The following C4orf50 variants were observed in gnomAD, a reference collection of about 807,000 sequenced individuals.
C4orf50 encodes chromosome 4 open reading frame 50.
Under a neutral mutation model 77.2 loss-of-function variants are expected in C4orf50, and 80 were observed. The observed-to-expected ratio is 1.04, with a 90% confidence interval of 0.87 to 1.25. The LOEUF is 1.25. Ranked by LOEUF, C4orf50 falls within the 50% of genes most tolerant of loss-of-function variation. C4orf50 has a pLI of 0.00. For missense variants in C4orf50, 1,257 were observed against 1,152.9 expected, an observed-to-expected ratio of 1.09 and a Z score of -1.31; for synonymous variants, 532 against 465.3, an observed-to-expected ratio of 1.14 and a Z score of -1.84.
Position 6,009,231 on chromosome 4 carries a change from G to C in C4orf50, c.427-699C>G, listed in dbSNP as rs570347295. Among the ~76,000 whole-genome samples the C allele has an allele frequency of 1.3e-5, 2 of 151,976 alleles. No individual in the cohort carries two copies. The highest frequency in any genetic ancestry group is 1.3e-4 in the Admixed American group (2 of 15,258). ...AACACATCTGCCTCCTCCCACCCACGGGCCGTGAGCTGGACTGGGGTGCAC... is the reference window on the plus strand; with the variant it reads ...AACACATCTGCCTCCTCCCACCCACCGGCCGTGAGCTGGACTGGGGTGCAC... On this transcript the variant is annotated intron_variant, in intron 24 of 33. Transcript: ENST00000531445. The surrounding 1 kb of genome is among the most constrained non-coding windows in gnomAD (Gnocchi z 5.6).
intron 7 of C4orf50, among the ~76,000 whole-genome samples, chr4:5,910,350 G>A (rs1577875466): frequency 6.6e-6 from 1 of 152,192 alleles, no homozygotes; most frequent in East Asian, 1.9e-4. Context: ...TTTCTCATAG[G>A]GAATTAAATC....
Position 5,905,834 on chromosome 4 carries a change from T to C in C4orf50, c.*2475-7646A>G, listed in dbSNP as rs897776581. On this transcript the variant is annotated intron_variant, in intron 7 of 7. Coordinates refer to the C4orf50 transcript ENST00000324058. This position sits in a 1 kb window ranked among gnomAD's most constrained non-coding sequence, Gnocchi z 5.4. ...GAAGAAGAAAGACAAACTGGGGTGC[T>C]CTGGGATGTCGTCATTTGTTCGTCC... 3.3e-5 allele frequency among the ~76,000 whole-genome samples: 5 copies of C among 151,824 alleles called. No homozygotes were observed. Among genetic ancestry groups the C allele is most frequent in the Non-Finnish European group, 7.4e-5 (5 of 68,012 alleles).
chr4:5,987,922 T>A (rs1423036249), intron 28 of C4orf50, among the ~76,000 whole-genome samples: 3 of 152,204 alleles, frequency 2.0e-5, no homozygotes, highest in Non-Finnish European at 4.4e-5. Flanking sequence ...GGTTTTATCA[T>A]GCTCTACAGT....
chr4:6,008,474 C>A lies in C4orf50; in HGVS notation c.485G>T (p.Arg162Leu). Residue 162 changes from arginine to leucine, a missense_variant, in exon 25 of 34, where the codon CGG becomes CTG. By Grantham distance (102) the Arg-to-Leu change is moderately radical (BLOSUM62 -2). Transcript: ENST00000531445. This position sits in a 1 kb window ranked among gnomAD's most constrained non-coding sequence, Gnocchi z 6.0. The stretch of plus-strand genomic sequence containing the variant: ...CAGTGCCTCGTCCTTGCGCCGCAAC[C>A]GCTCCTGCAACCGCCGCAGCCGCCA... 1 of 397,820 alleles carries A rather than the reference C, an allele frequency of 2.5e-6. No individual in the cohort carries two copies. The allele number at this position is 397,820 out of a possible 1,614,324, so 24.6% of individuals were successfully genotyped here. A position where few individuals can be genotyped will look rare whatever the true frequency, so the allele number is the denominator to read the frequency against.
Position 5,910,490 on chromosome 4 carries a change from T to A in C4orf50, c.*2475-12302A>T, listed in dbSNP as rs555373006. Among the ~76,000 whole-genome samples, 4 of 152,262 alleles carry A rather than the reference T, an allele frequency of 2.6e-5. No homozygotes were observed. In the South Asian group the frequency reaches 6.2e-4, roughly 24 times the overall value. ...CACATTATGCTATAAACAGAATTAA[T>A]GTGAATTGTGGTGTTTTTAATTAAC... On this transcript the variant is annotated intron_variant, in intron 7 of 7. Transcript: ENST00000324058.
intron 7 of C4orf50, among the ~76,000 whole-genome samples, chr4:5,949,020 G>A (rs370743999): frequency 2.0e-5 from 3 of 149,402 alleles, no homozygotes; most frequent in African/African-American, 7.4e-5. Context: ...CCTGATGGAA[G>A]AACTTAACAC....
Position 6,007,966 on chromosome 4 carries a change from T to A in C4orf50, c.963+30A>T, listed in dbSNP as rs990550010. 2.5e-6 allele frequency: 1 copy of A among 399,168 alleles called. No individual in the cohort carries two copies. Among genetic ancestry groups the A allele is most frequent in the Non-Finnish European group, 4.4e-6 (1 of 226,228 alleles). 24.7% of individuals were successfully genotyped at this position (399,168 alleles called of 1,614,324 possible). A position where few individuals can be genotyped will look rare whatever the true frequency, so the allele number is the denominator to read the frequency against. ...GGAGGAGAAGGAGAAAGGCAAAAGA[T>A]CATTCCTACCCTGAGTTCCCGCCAC... On this transcript the variant is annotated intron_variant, in intron 25 of 33. Transcript: ENST00000531445. The surrounding 1 kb of genome is among the most constrained non-coding windows in gnomAD (Gnocchi z 4.1).
exon 28 of C4orf50, chr4:5,990,665 G>C (rs1721229924): frequency 2.5e-6 from 1 of 399,078 alleles, no homozygotes; most frequent in African/African-American, 2.1e-5. Flanking sequence ...GCGGATGTCT[G>C]CACCAGGAGA....
intron 27 of C4orf50, among the ~76,000 whole-genome samples, chr4:5,991,439 G>A (rs896239991): frequency 6.6e-6 from 1 of 152,166 alleles, no homozygotes; most frequent in Admixed American, 6.5e-5. Context: ...CTTCATCTTT[G>A]TTCAACTCCT....
At chr4:5,913,412 A>G (rs200312093) in intron 7 of C4orf50, among the ~76,000 whole-genome samples, 16,084 of 152,170 alleles carry the variant, frequency 0.11, 901 homozygotes, top group South Asian at 0.13. Context: ...GAGGGTAGTG[A>G]GGGTCAGAGA....
At chr4:5,903,045 T>A (rs1256048164) in intron 7 of C4orf50, 1 of 152,148 alleles carries the variant, frequency 6.6e-6, no homozygotes, top group Non-Finnish European at 1.5e-5. Context: ...TGATGGGTGC[T>A]GAGCAGACGA....
At chr4:5,903,227 A>T (rs1322261328) in intron 7 of C4orf50, 2 of 121,896 alleles carry the variant, frequency 1.6e-5, no homozygotes, top group Non-Finnish European at 4.0e-5. Flanking sequence ...CGATGCTGTC[A>T]GATACACTGA....
chr4:5,944,086 A>G (rs1718383011), intron 7 of C4orf50, among the ~76,000 whole-genome samples: 1 of 152,224 alleles, frequency 6.6e-6, no homozygotes, highest in African/African-American at 2.4e-5. Flanking sequence ...TACAGAGACA[A>G]ATAGACACAC....
At chr4:5,990,637 G>A (rs1373930453) in exon 28 of C4orf50, 5 of 399,102 alleles carry the variant, frequency 1.3e-5, no homozygotes, top group Admixed American at 8.8e-5. Flanking sequence ...GTCCCCAGCC[G>A]GCCCCCAGAG....
At chr4:5,959,725 C>T in intron 33 of C4orf50, 99 bp from the exon 12 acceptor site, 1 of 1,426,054 alleles carries the variant, frequency 7.0e-7, no homozygotes, top group South Asian at 1.4e-5. Flanking sequence ...ACAGTGATAG[C>T]TAACGGTTTC....
intron 7 of C4orf50, chr4:5,903,352 C>G (rs996508507): frequency 1.3e-5 from 2 of 152,200 alleles, no homozygotes; most frequent in Non-Finnish European, 2.9e-5. Flanking sequence ...CACCTGTGTT[C>G]ATAGGAGCAA....
At chr4:5,931,710 C>G (rs959154792) in intron 7 of C4orf50, among the ~76,000 whole-genome samples, 1 of 152,136 alleles carries the variant, frequency 6.6e-6, no homozygotes, top group South Asian at 2.1e-4. Flanking sequence ...GGATCCCTCT[C>G]GTTCAGCTCT....
chr4:5,960,716 C>T (rs1719226152), intron 33 of C4orf50, among the ~76,000 whole-genome samples: 1 of 152,200 alleles, frequency 6.6e-6, no homozygotes, highest in Non-Finnish European at 1.5e-5. Context: ...TGACTGCACA[C>T]TGAGGAGCTG....
chr4:5,963,535 A>C (rs1719388851), intron 33 of C4orf50, among the ~76,000 whole-genome samples: 2 of 152,172 alleles, frequency 1.3e-5, no homozygotes, highest in Admixed American at 6.5e-5. Flanking sequence ...GATTTCATTG[A>C]ATTGTCCCAA....
Sources: allele counts gnomAD v4.1 joint callset (sites outside exome capture counted in the v4.1 genomes callset), GRCh38; gene constraint gnomAD v4.1.1; non-coding constraint Gnocchi (gnomAD v3.1); transcripts MANE v1.5; gene names NCBI Gene and HGNC (gene_info 2026-07-23, HGNC 2026-07-21).